CCSER1: variants seen among roughly 807,000 people sequenced by gnomAD.
CCSER1 encodes the protein coiled-coil serine rich protein 1.
Under a neutral mutation model 82.0 loss-of-function variants are expected in CCSER1, and 41 were observed. That is an observed-to-expected ratio of 0.50 (90% confidence interval 0.39 to 0.65). CCSER1 has a LOEUF of 0.65. CCSER1 is among the 30% of genes least tolerant of loss of function. The probability of loss-of-function intolerance (pLI) is 0.00; values close to 1 mark genes in which losing one functional copy is unlikely to be tolerated. For synonymous variants in CCSER1, 414 were observed against 383.9 expected, an observed-to-expected ratio of 1.08 and a Z score of -0.92; for missense variants, 1,119 against 1,064.2, an observed-to-expected ratio of 1.05 and a Z score of -0.72.
chr4:91,168,480 C>T (rs1732399630), intron 10 of CCSER1, among the ~76,000 whole-genome samples: 1 of 149,686 alleles, frequency 6.7e-6, no homozygotes, highest in Non-Finnish European at 1.5e-5. Context: ...CCAGCAGCCG[C>T]CCCGTCTGGG....
chr4:90,760,626 T>C (rs2149518085), intron 7 of CCSER1, among the ~76,000 whole-genome samples: 1 of 152,224 alleles, frequency 6.6e-6, no homozygotes, highest in Non-Finnish European at 1.5e-5. Context: ...AAATACTCAG[T>C]TTAAACAAAT....
chr4:90,819,946 T>C (rs1010051640), intron 8 of CCSER1, among the ~76,000 whole-genome samples: 2 of 152,220 alleles, frequency 1.3e-5, no homozygotes, highest in African/African-American at 2.4e-5. Flanking sequence ...AAACGAGACA[T>C]ACATTCTGTA....
chr4:91,149,909 G>A (rs1240096891), intron 10 of CCSER1, among the ~76,000 whole-genome samples: 1 of 152,114 alleles, frequency 6.6e-6, no homozygotes, highest in South Asian at 2.1e-4. Flanking sequence ...AAGTCAGGTA[G>A]CATGATGCCT....
At chr4:91,201,463 A>T (rs1158287304) in intron 10 of CCSER1, among the ~76,000 whole-genome samples, 1 of 152,102 alleles carries the variant, frequency 6.6e-6, no homozygotes, top group African/African-American at 2.4e-5. Context: ...ACTATTTCAG[A>T]TGTAAATGAA....
At chr4:91,423,109 T>C (rs1174302151) in intron 10 of CCSER1, among the ~76,000 whole-genome samples, 1 of 152,096 alleles carries the variant, frequency 6.6e-6, no homozygotes, top group East Asian at 1.9e-4. Flanking sequence ...TGCTGAAATA[T>C]AGTATTGTTT....
rs1737394513 is a variant in CCSER1, at chr4:90,200,074, A to T, written c.-42+72243A>T. ...TGCGTGCACGCAGACACACACACAC[A>T]CACACACACACACACACACTTTTTT... On this transcript the variant is annotated intron_variant, in intron 1 of 10. Coordinates refer to ENST00000509176, the MANE Select transcript of CCSER1 (RefSeq NM_001145065.2). 2.0e-5 allele frequency among the ~76,000 whole-genome samples: 3 copies of T among 151,414 alleles called. No individual in the cohort carries two copies. The South Asian group carries it at 6.3e-4, about 32-fold the overall frequency.
Position 90,241,431 on chromosome 4 carries a change from C to T in CCSER1, c.-41-66813C>T, listed in dbSNP as rs992862360. ...CTAGATAATGGTGGTTTATTATGAA[C>T]GACAGTAACAGCTAGATGGTAAATC... is the stretch of plus-strand genomic sequence containing the variant. On this transcript the variant is annotated intron_variant, in intron 1 of 10. Transcript: ENST00000509176. Among the ~76,000 whole-genome samples, 68 of 152,138 alleles carry T rather than the reference C, an allele frequency of 4.5e-4. No individual in the cohort carries two copies. The Middle Eastern group carries it at 0.014, about 31-fold the overall frequency.
chr4:91,328,938 T>A (rs1226665846), intron 10 of CCSER1, among the ~76,000 whole-genome samples: 1 of 151,840 alleles, frequency 6.6e-6, no homozygotes, highest in Non-Finnish European at 1.5e-5. Context: ...TAAGTGGGAG[T>A]TCCCCTGCAA....
intron 1 of CCSER1, among the ~76,000 whole-genome samples, chr4:90,285,440 T>C (rs888287812): frequency 3.9e-5 from 6 of 152,114 alleles, no homozygotes; most frequent in African/African-American, 1.4e-4. Flanking sequence ...CTTTTTCAAA[T>C]TGTTCACTGT....
intron 10 of CCSER1, among the ~76,000 whole-genome samples, chr4:91,464,728 T>C (rs145705924): frequency 0.024 from 3,653 of 152,150 alleles, 171 homozygotes; most frequent in African/African-American, 0.084. Context: ...AAACAGACTT[T>C]AAACCAACAA....
intron 10 of CCSER1, among the ~76,000 whole-genome samples, chr4:91,425,724 G>T (rs868525790): frequency 7.9e-5 from 12 of 152,274 alleles, no homozygotes; most frequent in Middle Eastern, 6.8e-3. Flanking sequence ...CCATAGACTG[G>T]TAGAGAGGGA....
chr4:91,202,073 A>C (rs1004342023), intron 10 of CCSER1, among the ~76,000 whole-genome samples: 3 of 151,950 alleles, frequency 2.0e-5, no homozygotes, highest in Non-Finnish European at 2.9e-5. Flanking sequence ...TCATAAATGC[A>C]ATCAATAGAA....
chr4:90,243,279 C>T (rs868054550), intron 1 of CCSER1, among the ~76,000 whole-genome samples: 12 of 151,762 alleles, frequency 7.9e-5, no homozygotes, highest in Admixed American at 1.3e-4. Context: ...GATGGAGTCT[C>T]GCTCTGTTGC....
chr4:90,193,735 CTG>C (rs1458210729), intron 1 of CCSER1, among the ~76,000 whole-genome samples: 7 of 151,988 alleles, frequency 4.6e-5, no homozygotes, highest in South Asian at 2.1e-4. Flanking sequence ...AGGAAGACAA[CTG>C]TGTATTCTTA....
At chr4:91,164,951 C>T (rs1304394292) in intron 10 of CCSER1, among the ~76,000 whole-genome samples, 1 of 152,218 alleles carries the variant, frequency 6.6e-6, no homozygotes, top group Non-Finnish European at 1.5e-5. Context: ...CAAAGTCATT[C>T]TCCGTCCACC....
chr4:90,916,955 C>G (rs1727546397), intron 8 of CCSER1, among the ~76,000 whole-genome samples: 1 of 152,068 alleles, frequency 6.6e-6, no homozygotes, highest in Non-Finnish European at 1.5e-5. Flanking sequence ...CAAATCAAAA[C>G]CACAATGAGA....
chr4:90,300,617 A>G (rs1302360836), intron 1 of CCSER1, among the ~76,000 whole-genome samples: 1 of 152,148 alleles, frequency 6.6e-6, no homozygotes, highest in Non-Finnish European at 1.5e-5. Flanking sequence ...TCATAATGAA[A>G]AAATATGAGG....
At chr4:91,479,057 A>G (rs1757746266) in intron 10 of CCSER1, among the ~76,000 whole-genome samples, 1 of 151,972 alleles carries the variant, frequency 6.6e-6, no homozygotes, top group East Asian at 1.9e-4. Context: ...TTAGAGGGAT[A>G]AGTTATTATG....
At chr4:90,472,573 A>T (rs780515014) in intron 5 of CCSER1, among the ~76,000 whole-genome samples, 2 of 152,192 alleles carry the variant, frequency 1.3e-5, no homozygotes, top group Non-Finnish European at 2.9e-5. Context: ...AGAGCTTTCC[A>T]CTTCCTGCAA....
Sources: gnomAD v4.1 joint callset for allele counts (sites outside exome capture counted in the v4.1 genomes callset) on GRCh38, gnomAD v4.1.1 for gene constraint, MANE v1.5 for transcripts, NCBI Gene and HGNC (gene_info 2026-07-23, HGNC 2026-07-21) for gene names.